ZNF831: variants seen among roughly 807,000 people sequenced by gnomAD.
The protein encoded by ZNF831 is chromosome 20 open reading frame 174.
In ZNF831, 59 loss-of-function variants were observed where a neutral mutation model predicts 95.8. The observed-to-expected ratio is 0.62, with a 90% CI of 0.50 to 0.77. The LOEUF (loss-of-function observed/expected upper bound fraction) is 0.77. ZNF831 is among the 30% of genes least tolerant of loss of function. ZNF831 has a pLI of 0.00. For missense variants in ZNF831, 2,205 were observed against 2,164.0 expected (o/e 1.02, Z -0.38); for synonymous variants, 961 against 925.5 (o/e 1.04, Z -0.70).
At chr20:59,155,001 G>A (rs1466161431) in intron 2 of ZNF831, among the ~76,000 whole-genome samples, 4 of 152,144 alleles carry the variant, frequency 2.6e-5, no homozygotes, top group Admixed American at 2.6e-4. Flanking sequence ...GACGGCAAGG[G>A]GGCCGCTTTC....
chr20:59,238,102 C>T (rs569198336), intron 4 of ZNF831, among the ~76,000 whole-genome samples: 5 of 152,288 alleles, frequency 3.3e-5, no homozygotes, highest in South Asian at 2.1e-4. Context: ...TAAGGCAAAG[C>T]GGTAGAGACC....
intron 1 of ZNF831, among the ~76,000 whole-genome samples, chr20:59,133,483 G>A (rs1171578023): frequency 6.6e-6 from 1 of 152,194 alleles, no homozygotes; most frequent in Non-Finnish European, 1.5e-5. Flanking sequence ...TATGAATGCA[G>A]GTCTGTCCAT....
chr20:59,148,166 G>A (rs994295723), intron 2 of ZNF831, among the ~76,000 whole-genome samples: 14 of 152,172 alleles, frequency 9.2e-5, no homozygotes, highest in African/African-American at 2.9e-4. Flanking sequence ...CATAGTCTTC[G>A]TTTAGTTCCT....
chr20:59,171,806 A>C (rs975903497), intron 1 of ZNF831, among the ~76,000 whole-genome samples: 1 of 152,208 alleles, frequency 6.6e-6, no homozygotes, highest in East Asian at 1.9e-4. Flanking sequence ...GTTGTAGTTC[A>C]TATCTGTGAC....
intron 2 of ZNF831, among the ~76,000 whole-genome samples, chr20:59,148,844 A>G (rs1281035814): frequency 1.3e-5 from 2 of 151,858 alleles, no homozygotes; most frequent in Non-Finnish European, 2.9e-5. Context: ...TCAGACCCAC[A>G]TACCTGGTGT....
At chr20:59,232,930 C>T (rs1167939076) in intron 4 of ZNF831, among the ~76,000 whole-genome samples, 1 of 151,002 alleles carries the variant, frequency 6.6e-6, no homozygotes, top group Non-Finnish European at 1.5e-5. Flanking sequence ...ACTCATTTAA[C>T]TTTCTCCATC....
intron 4 of ZNF831, among the ~76,000 whole-genome samples, chr20:59,243,487 G>T (rs1375166225): frequency 6.6e-6 from 1 of 152,176 alleles, no homozygotes; most frequent in Non-Finnish European, 1.5e-5. Context: ...AGTAGACAGA[G>T]GGAGGTGGGA....
chr20:59,146,263 G>A (rs980607730), exon 2 of ZNF831: 1 of 152,040 alleles, frequency 6.6e-6, no homozygotes, highest in African/African-American at 2.4e-5. Flanking sequence ...GGCATAAAGA[G>A]AAGCAGAGGC....
rs1264790580 is a variant in ZNF831, at chr20:59,256,101, C to T, written c.*1358C>T. ...GGTGTAACTTTGATGTAATGATGTT[C>T]ATATGACATCTTGTACTTCAGAGAC... is the stretch of plus-strand genomic sequence containing the variant. On this transcript the variant is annotated 3_prime_UTR_variant, in exon 6 of 6. Coordinates refer to ENST00000371030, the MANE Select transcript of ZNF831 (RefSeq NM_178457.3). The T allele has an allele frequency of 6.6e-6, 1 of 152,190 alleles. No individual in the cohort carries two copies. The highest frequency in any genetic ancestry group is 1.5e-5 in the Non-Finnish European group (1 of 68,044). 9.4% of individuals were successfully genotyped at this position (152,190 alleles called of 1,614,324 possible).
At chr20:59,239,966 A>G (rs560890141) in intron 4 of ZNF831, among the ~76,000 whole-genome samples, 41 of 152,342 alleles carry the variant, frequency 2.7e-4, no homozygotes, top group African/African-American at 9.6e-4. Context: ...GCCCTGTGCT[A>G]TGGTGAACTG....
chr20:59,192,142 G>T lies in ZNF831; in HGVS notation c.1123G>T (p.Gly375Trp), dbSNP rs770198523. ...SLSEHSAESEGEGGPGPGPGV... is the reference protein window; with the variant it reads ...SLSEHSAESEWEGGPGPGPGV... The stretch of plus-strand genomic sequence containing the variant: ...TTCGGAGCACAGCGCCGAGTCCGAG[G>T]GGGAGGGCGGCCCGGGCCCGGGGCC... The change falls in exon 2 of 6, where the codon GGG becomes TGG. Residue 375 changes from glycine (G) to tryptophan (W), a missense_variant. Gly to Trp is a radical substitution (Grantham distance 184). Coordinates refer to ENST00000371030, the MANE Select transcript of ZNF831 (RefSeq NM_178457.3). The surrounding 1 kb of genome is among the most constrained non-coding windows in gnomAD (Gnocchi z 5.2). 6.4e-7 allele frequency: 1 copy of T among 1,565,070 alleles called. No individual in the cohort carries two copies.
intron 2 of ZNF831, among the ~76,000 whole-genome samples, chr20:59,147,648 CCCCCTCATCT>C (rs1325654939): frequency 2.0e-4 from 30 of 152,270 alleles, no homozygotes; most frequent in African/African-American, 7.0e-4. Context: ...AGAATGAGGC[CCCCCTCATCT>C]CCAAACAAGG....
chr20:59,146,160 C>A (rs1281464609), intron 1 of ZNF831: 2 of 152,040 alleles, frequency 1.3e-5, no homozygotes, highest in Non-Finnish European at 2.9e-5. Flanking sequence ...CCTCTGCCAC[C>A]CCCGCCGCCC....
rs761313904 is a variant in ZNF831, at chr20:59,208,236, A to G, written c.4027+1180A>G. Among the ~76,000 whole-genome samples the G allele has an allele frequency of 6.6e-6, 1 of 152,028 alleles. No individual in the cohort carries two copies. Among genetic ancestry groups the G allele is most frequent in the Non-Finnish European group, 1.5e-5 (1 of 67,992 alleles). On this transcript the variant is annotated intron_variant, in intron 4 of 5. Coordinates refer to ENST00000371030, the MANE Select transcript of ZNF831 (RefSeq NM_178457.3). This position sits in a 1 kb window ranked among gnomAD's most constrained non-coding sequence, Gnocchi z 4.2. ...CTCTCTTCCTCATCTGTGGCTCTCA[A>G]CCTCACCTCCATCTCCCTCCTCTGT...
intron 4 of ZNF831, among the ~76,000 whole-genome samples, chr20:59,240,783 C>T (rs566316508): frequency 1.3e-5 from 2 of 152,240 alleles, no homozygotes; most frequent in Admixed American, 1.3e-4. Context: ...GCCTGGGCGA[C>T]AGAGCGAGCC....
intron 3 of ZNF831, among the ~76,000 whole-genome samples, chr20:59,204,922 C>G (rs941801544): frequency 6.6e-6 from 1 of 152,168 alleles, no homozygotes; most frequent in Non-Finnish European, 1.5e-5. Flanking sequence ...GTACCCTGCC[C>G]ATGACTAAAC....
Position 59,191,057 on chromosome 20 carries a change from C to A in ZNF831, c.38C>A (p.Ala13Glu), listed in dbSNP as rs750683419. 2 of 1,498,752 alleles carry A rather than the reference C, an allele frequency of 1.3e-6. No homozygotes were observed. The highest frequency in any genetic ancestry group is 1.8e-6 in the Non-Finnish European group (2 of 1,132,142). 92.8% of individuals were successfully genotyped at this position (1,498,752 alleles called of 1,614,324 possible). ...GAACCCACCTGCCCTGCCCCTCCTG[C>A]GAGGGACCAGCCAGCTCCCACTCCT... ...VPEPTCPAPP[A>E]RDQPAPTPGP... The change falls in exon 2 of 6, where the codon GCG (alanine) becomes GAG (glutamate). Residue 13 changes from alanine to glutamate, a missense_variant. Physicochemically the swap from Ala to Glu is moderately radical, Grantham distance 107. Coordinates refer to ENST00000371030, the MANE Select transcript of ZNF831 (RefSeq NM_178457.3).
intron 1 of ZNF831, among the ~76,000 whole-genome samples, chr20:59,187,654 ACATTAAATTCAC>A (rs1983166863): frequency 6.6e-6 from 1 of 152,244 alleles, no homozygotes; most frequent in South Asian, 2.1e-4. Flanking sequence ...AATTCACATA[ACATTAAATTCAC>A]CATTTTAACT....
At chr20:59,175,720 C>T (rs1297584487) in intron 1 of ZNF831, among the ~76,000 whole-genome samples, 1 of 152,208 alleles carries the variant, frequency 6.6e-6, no homozygotes, top group African/African-American at 2.4e-5. Flanking sequence ...GTCAGGGAAT[C>T]CCAGCACCTC....
Sources: allele counts gnomAD v4.1 joint callset (sites outside exome capture counted in the v4.1 genomes callset), GRCh38; gene constraint gnomAD v4.1.1; non-coding constraint Gnocchi (gnomAD v3.1); transcripts MANE v1.5; gene names NCBI Gene and HGNC (gene_info 2026-07-23, HGNC 2026-07-21).